Variants in TM9SF3 observed in about 807,000 individuals in gnomAD.
The protein encoded by TM9SF3 is transmembrane 9 superfamily member 3.
Under a neutral mutation model 78.6 loss-of-function variants are expected in TM9SF3, and 14 were observed. That is an observed-to-expected ratio of 0.18 (90% CI 0.12 to 0.28). The LOEUF is 0.28. Ranked by LOEUF, TM9SF3 falls within the 10% of genes least tolerant of loss-of-function variation. The probability of loss-of-function intolerance (pLI) is 1.00; values close to 1 mark genes in which losing one functional copy is unlikely to be tolerated. For synonymous variants in TM9SF3, 231 were observed against 241.7 expected (o/e 0.96, Z 0.41); for missense variants, 496 against 721.9 (o/e 0.69, Z 3.59).
intron 9 of TM9SF3, among the ~76,000 whole-genome samples, chr10:96,539,842 T>A (rs1032933640): frequency 1.3e-5 from 2 of 151,992 alleles, no homozygotes; most frequent in Non-Finnish European, 2.9e-5. Context: ...CAAAAACCTA[T>A]CATCACCACC....
intron 12 of TM9SF3, 31 bp downstream of exon 12, chr10:96,528,000 C>T: frequency 5.0e-6 from 8 of 1,588,270 alleles, no homozygotes; most frequent in Non-Finnish European, 6.0e-6. Context: ...ATTATGGTTC[C>T]CCAAATTTCT....
intron 5 of TM9SF3, among the ~76,000 whole-genome samples, chr10:96,553,848 G>C (rs924737017): frequency 5.3e-5 from 8 of 152,182 alleles, no homozygotes; most frequent in Non-Finnish European, 1.5e-5. Flanking sequence ...TAGCATATCT[G>C]ATTTGAACTA....
Position 96,586,721 on chromosome 10 carries a change from CG to C in TM9SF3, c.102+12del. On this transcript the variant is annotated intron_variant, in intron 1 of 14. Coordinates refer to ENST00000371142, the MANE Select transcript of TM9SF3 (RefSeq NM_020123.4). ...GCTAGCCCGGGGCGGCCGCGCCGGC[CG>C]GGGCGCCTCACCGTGTGTTCGTGCT... The C allele has an allele frequency of 1.6e-6, 2 of 1,222,962 alleles. No individual in the cohort carries two copies. Among genetic ancestry groups the C allele is most frequent in the South Asian group, 3.8e-5 (1 of 26,456 alleles). The allele number at this position is 1,222,962 out of a possible 1,614,324, so 75.8% of individuals were successfully genotyped here.
chr10:96,537,249 A>G lies in TM9SF3; in HGVS notation c.1186-4059T>C, dbSNP rs192331975. ...TATCTGACGTTGGTCCCATAAGATT[A>G]TAAGACTGTATTTTTACTATACCTT... On this transcript the variant is annotated intron_variant, in intron 9 of 14. Coordinates refer to ENST00000371142, the MANE Select transcript of TM9SF3 (RefSeq NM_020123.4). Among the ~76,000 whole-genome samples, 8 of 152,344 alleles carry G rather than the reference A, an allele frequency of 5.3e-5. No individual in the cohort carries two copies. In the East Asian group the frequency reaches 7.7e-4, roughly 15 times the overall value.
At chr10:96,529,700 T>G (rs1190199838) in intron 11 of TM9SF3, among the ~76,000 whole-genome samples, 1 of 151,920 alleles carries the variant, frequency 6.6e-6, no homozygotes, top group Non-Finnish European at 1.5e-5. Context: ...ATATTATGTA[T>G]GTATCTTTTA....
At chr10:96,571,324 C>T (rs1197430432) in intron 2 of TM9SF3, among the ~76,000 whole-genome samples, 2 of 152,300 alleles carry the variant, frequency 1.3e-5, no homozygotes, top group East Asian at 3.9e-4. Flanking sequence ...TACAGCTAGA[C>T]ACATACTGTA....
At chr10:96,532,987 A>T in intron 10 of TM9SF3, 64 bp downstream of exon 10, 1 of 1,574,320 alleles carries the variant, frequency 6.4e-7, no homozygotes, top group Non-Finnish European at 8.7e-7. Flanking sequence ...TTACATGTAC[A>T]CAACAGCCTT....
chr10:96,567,448 C>T (rs1331342709), intron 2 of TM9SF3, among the ~76,000 whole-genome samples: 2 of 152,286 alleles, frequency 1.3e-5, no homozygotes, highest in East Asian at 1.9e-4. Flanking sequence ...CTTTGTTTCC[C>T]AACTGATATA....
intron 14 of TM9SF3, among the ~76,000 whole-genome samples, chr10:96,524,873 A>G (rs1847820591): frequency 6.6e-6 from 1 of 151,940 alleles, no homozygotes; most frequent in Non-Finnish European, 1.5e-5. Flanking sequence ...CTGCCCCTGA[A>G]AAATGAAGTA....
intron 14 of TM9SF3, among the ~76,000 whole-genome samples, chr10:96,524,431 A>G (rs1847816194): frequency 6.6e-6 from 1 of 151,916 alleles, no homozygotes; most frequent in Admixed American, 6.6e-5. Flanking sequence ...TTTTAATGGT[A>G]TAATACTAGT....
At chr10:96,557,351 TAG>T (rs1264343461) in intron 5 of TM9SF3, among the ~76,000 whole-genome samples, 1 of 144,026 alleles carries the variant, frequency 6.9e-6, no homozygotes, top group Non-Finnish European at 1.5e-5. Flanking sequence ...CTGAAAACCC[TAG>T]AGTTTGTCTC....
chr10:96,560,478 C>T, intron 4 of TM9SF3: 1 of 758,106 alleles, frequency 1.3e-6, no homozygotes, highest in Admixed American at 1.7e-5. Flanking sequence ...ACCACCAGTG[C>T]TTTTATGGTT....
rs562988580 is a variant in TM9SF3, at chr10:96,524,049, C to G, written c.1703-1719G>C. Among the ~76,000 whole-genome samples, 37 of 151,586 alleles carry G rather than the reference C, an allele frequency of 2.4e-4. No homozygotes were observed. The South Asian group carries it at 7.1e-3, about 29-fold the overall frequency. On this transcript the variant is annotated intron_variant, in intron 14 of 14. Transcript: ENST00000371142. ...CATGTCAGAATAAAAGGGGGGGATACAAAGTGAGAATATAAATAAAACAAG... is the reference window on the plus strand; with the variant it reads ...CATGTCAGAATAAAAGGGGGGGATAGAAAGTGAGAATATAAATAAAACAAG...
intron 5 of TM9SF3, among the ~76,000 whole-genome samples, chr10:96,557,015 A>T (rs908979544): frequency 2.0e-5 from 3 of 151,044 alleles, no homozygotes; most frequent in African/African-American, 7.3e-5. Flanking sequence ...CCTTAACTGA[A>T]CTCCCCTGTT....
intron 8 of TM9SF3, among the ~76,000 whole-genome samples, chr10:96,547,620 C>T (rs1848117902): frequency 6.8e-6 from 1 of 148,060 alleles, no homozygotes; most frequent in South Asian, 2.1e-4. Context: ...CAGGAGTTCA[C>T]AGCAGCCTGG....
chr10:96,526,610 C>T (rs552216861), intron 14 of TM9SF3, among the ~76,000 whole-genome samples: 1 of 151,916 alleles, frequency 6.6e-6, no homozygotes, highest in Non-Finnish European at 1.5e-5. Flanking sequence ...TGGTTTTATC[C>T]CCACTTTACA....
At chr10:96,533,283 C>CA (rs1350788148) in intron 9 of TM9SF3, 93 bp from the exon 10 acceptor site, 15 of 1,434,588 alleles carry the variant, frequency 1.0e-5, no homozygotes, top group Non-Finnish European at 1.4e-5. Context: ...AATTTGACCA[C>CA]AAAAGAAAAT....
chr10:96,571,422 T>C (rs1000087737), intron 2 of TM9SF3, among the ~76,000 whole-genome samples: 4 of 152,160 alleles, frequency 2.6e-5, no homozygotes, highest in African/African-American at 7.2e-5. Context: ...ACAGCAGGAA[T>C]AGCAGAAGCT....
intron 5 of TM9SF3, among the ~76,000 whole-genome samples, chr10:96,553,322 C>T (rs1295852096): frequency 6.6e-6 from 1 of 152,062 alleles, no homozygotes; most frequent in Non-Finnish European, 1.5e-5. Context: ...TTGTTAAAAA[C>T]AAAAAGTACA....
Sources: gnomAD v4.1 joint callset for allele counts (sites outside exome capture counted in the v4.1 genomes callset) on GRCh38, gnomAD v4.1.1 for gene constraint, MANE v1.5 for transcripts, NCBI Gene and HGNC (gene_info 2026-07-23, HGNC 2026-07-21) for gene names.